MASP1: variants seen among roughly 807,000 people sequenced by gnomAD.
MASP1 encodes the protein MBL associated serine protease 1.
In MASP1, 59 loss-of-function variants were observed where a neutral mutation model predicts 77.1. The observed-to-expected ratio is 0.77, with a 90% confidence interval of 0.62 to 0.95. MASP1 has a LOEUF of 0.95. MASP1 is among the 40% of genes least tolerant of loss of function. The pLI is 0.00. For missense variants in MASP1, 885 were observed against 912.9 expected (o/e 0.97, Z 0.39); for synonymous variants, 362 against 354.5 (o/e 1.02, Z -0.24).
chr3:187,239,900 ATGGTCAAAACC>A, intron 10 of MASP1, among the ~76,000 whole-genome samples: 2 of 152,272 alleles, frequency 1.3e-5, no homozygotes, highest in South Asian at 4.1e-4. Context: ...AGCACCTGTG[ATGGTCAAAACC>A]TGACTCCCAA....
At position 187,262,675 on chromosome 3, in the gene MASP1, T is replaced by G; in HGVS notation, c.283A>C (p.Thr95Pro). The change falls in exon 3 of 11, where the codon ACC becomes CCC. Residue 95 changes from threonine (T) to proline (P), a missense_variant. Physicochemically the swap from Thr to Pro is conservative, Grantham distance 38. Transcript: ENST00000296280. ...QVLATFCGRE[T>P]TDTEQTPGQE... ...CCGGGAGTCTGCTCTGTGTCTGTGGTCTCCCTGCCACAGAAGGTTGCCAGC... is the reference window on the plus strand; with the variant it reads ...CCGGGAGTCTGCTCTGTGTCTGTGGGCTCCCTGCCACAGAAGGTTGCCAGC... 6.2e-7 allele frequency: 1 copy of G among 1,614,090 alleles called. No homozygotes were observed. The highest frequency in any genetic ancestry group is 8.5e-7 in the Non-Finnish European group (1 of 1,180,000).
chr3:187,266,932 G>A (rs1440029303), intron 2 of MASP1, among the ~76,000 whole-genome samples: 1 of 152,182 alleles, frequency 6.6e-6, no homozygotes, highest in Admixed American at 6.5e-5. Context: ...AGCTACTCTC[G>A]CTATGTATGG....
At position 187,243,479 on chromosome 3, in the gene MASP1, C is replaced by T. The variant is rs1198293709; in HGVS notation, c.1228+5G>A. 6.2e-7 allele frequency: 1 copy of T among 1,614,134 alleles called. No homozygotes were observed. The highest frequency in any genetic ancestry group is 1.3e-5 in the African/African-American group (1 of 75,030). On this transcript the variant is annotated splice_donor_5th_base_variant and intron_variant, in intron 9 of 10. Transcript: ENST00000296280. ...GAGTGGGATGGCTTAGCATGGATGG[C>T]TTACCTGTGTTATTGTTGAGCATCT...
chr3:187,246,685 A>C (rs1301117188), intron 8 of MASP1: 1 of 989,082 alleles, frequency 1.0e-6, no homozygotes, highest in Non-Finnish European at 1.2e-6. Context: ...ATCTTTTTAA[A>C]ATTTTTAATC....
intron 11 of MASP1, among the ~76,000 whole-genome samples, chr3:187,227,010 T>C (rs1239563507): frequency 6.6e-6 from 1 of 152,220 alleles, no homozygotes; most frequent in East Asian, 1.9e-4. Flanking sequence ...GTAATTTGTA[T>C]GCATATTAAA....
At chr3:187,251,919 T>C (rs765314557) in intron 6 of MASP1, among the ~76,000 whole-genome samples, 167 bp from the exon 7 acceptor site, 2 of 152,224 alleles carry the variant, frequency 1.3e-5, no homozygotes, top group South Asian at 2.1e-4. Context: ...GAACCGTGAA[T>C]AGGGCAGTTT....
chr3:187,249,552 T>G (rs1305021648), intron 8 of MASP1, among the ~76,000 whole-genome samples: 3 of 152,146 alleles, frequency 2.0e-5, no homozygotes, highest in Non-Finnish European at 2.9e-5. Flanking sequence ...GGTGGTGAGG[T>G]GAAGGGGTTG....
At chr3:187,237,831 G>T (rs974581502) in intron 10 of MASP1, among the ~76,000 whole-genome samples, 1 of 152,242 alleles carries the variant, frequency 6.6e-6, no homozygotes, top group Admixed American at 6.5e-5. Flanking sequence ...GGGTGCTTTT[G>T]ACAATCCTTT....
chr3:187,238,077 C>T (rs1430553748), intron 10 of MASP1, among the ~76,000 whole-genome samples: 1 of 152,212 alleles, frequency 6.6e-6, no homozygotes, highest in Admixed American at 6.5e-5. Flanking sequence ...AAGGCAACAT[C>T]TCAATGCAGC....
At chr3:187,268,650 T>C (rs1314490755) in intron 2 of MASP1, among the ~76,000 whole-genome samples, 1 of 152,256 alleles carries the variant, frequency 6.6e-6, no homozygotes, top group African/African-American at 2.4e-5. Flanking sequence ...TGTCAGTGTG[T>C]ACTTCTGGTT....
At chr3:187,286,312 A>T (rs1164409808) in intron 1 of MASP1, among the ~76,000 whole-genome samples, 4 of 152,240 alleles carry the variant, frequency 2.6e-5, no homozygotes, top group Non-Finnish European at 5.9e-5. Flanking sequence ...AAAGTATCAC[A>T]TTTGGGAGTC....
intron 8 of MASP1, among the ~76,000 whole-genome samples, chr3:187,246,005 C>T (rs1714047218): frequency 6.6e-6 from 1 of 152,202 alleles, no homozygotes; most frequent in Admixed American, 6.5e-5. Context: ...GCCTCATCTT[C>T]TTTCCTCCCC....
At chr3:187,279,490 G>A (rs970712117) in intron 2 of MASP1, among the ~76,000 whole-genome samples, 1 of 152,182 alleles carries the variant, frequency 6.6e-6, no homozygotes, top group Admixed American at 6.5e-5. Flanking sequence ...CATAGTATAA[G>A]TTAATATTAG....
chr3:187,232,975 T>C (rs1372658294), downstream of MASP1, among the ~76,000 whole-genome samples: 1 of 152,220 alleles, frequency 6.6e-6, no homozygotes, highest in African/African-American at 2.4e-5. Context: ...GTGCCACTCA[T>C]GCTTGAACTT....
intron 13 of MASP1, among the ~76,000 whole-genome samples, chr3:187,224,361 T>A (rs1166896624): frequency 6.8e-6 from 1 of 147,180 alleles, no homozygotes; most frequent in African/African-American, 2.6e-5. Context: ...TTTTTTTTTT[T>A]TTTGAGACGG....
At chr3:187,276,058 C>T (rs1025947519) in intron 2 of MASP1, among the ~76,000 whole-genome samples, 2 of 151,954 alleles carry the variant, frequency 1.3e-5, no homozygotes, top group South Asian at 2.1e-4. Flanking sequence ...ACACACCAGG[C>T]ACTTTCCACC....
Position 187,234,451 on chromosome 3 carries a change from C to G in MASP1, c.*1233G>C. 1.6e-6 allele frequency: 2 copies of G among 1,285,646 alleles called. No individual in the cohort carries two copies. The highest frequency in any genetic ancestry group is 2.0e-6 in the Non-Finnish European group (2 of 987,264). The allele number at this position is 1,285,646 out of a possible 1,614,324, so 79.6% of individuals were successfully genotyped here. On this transcript the variant is annotated 3_prime_UTR_variant, in exon 11 of 11. Coordinates refer to ENST00000296280, the MANE Select transcript of MASP1 (RefSeq NM_139125.4). Reference sequence around the variant, plus strand: ...GGACCTTATGCCAGCCTGTTGCTGACGGAGAACCAGAGACTCAGACAAAGA... The same window carrying G: ...GGACCTTATGCCAGCCTGTTGCTGAGGGAGAACCAGAGACTCAGACAAAGA...
intron 2 of MASP1, among the ~76,000 whole-genome samples, chr3:187,266,322 G>A (rs146957566): frequency 3.3e-5 from 5 of 152,102 alleles, no homozygotes; most frequent in African/African-American, 4.8e-5. Flanking sequence ...TTTGTTATAC[G>A]AGCTCAATAA....
chr3:187,248,731 A>G (rs1714313247), intron 8 of MASP1, among the ~76,000 whole-genome samples: 1 of 152,224 alleles, frequency 6.6e-6, no homozygotes. Flanking sequence ...AACTCTGTGC[A>G]GGCATCCAGT....
Sources: allele counts gnomAD v4.1 joint callset (sites outside exome capture counted in the v4.1 genomes callset), GRCh38; gene constraint gnomAD v4.1.1; transcripts MANE v1.5; gene names NCBI Gene and HGNC (gene_info 2026-07-23, HGNC 2026-07-21).